Variants in DLEU7 observed in about 807,000 individuals in gnomAD.
DLEU7 encodes the protein deleted in lymphocytic leukemia 7, also known as leukemia-associated protein 7.
Under a neutral mutation model 16.0 loss-of-function variants are expected in DLEU7, and 17 were observed. The ratio of observed to expected loss-of-function variants is 1.06; its 90% confidence interval spans 0.73 to 1.59. The LOEUF is 1.59. Among genes scored for constraint, DLEU7 ranks in the 40% most tolerant of loss-of-function variants. The pLI is 0.00. For synonymous variants in DLEU7, 113 were observed against 139.8 expected (o/e 0.81, Z 1.35); for missense variants, 308 against 314.9 (o/e 0.98, Z 0.17).
At chr13:50,717,810 G>A (rs1409146194) in intron 1 of DLEU7, among the ~76,000 whole-genome samples, 1 of 152,124 alleles carries the variant, frequency 6.6e-6, no homozygotes, top group East Asian at 1.9e-4. Context: ...TAATGTAGTT[G>A]CATCAATTCT....
intron 1 of DLEU7, among the ~76,000 whole-genome samples, chr13:50,805,873 A>G (rs1480996135): frequency 6.6e-6 from 1 of 152,184 alleles, no homozygotes; most frequent in Non-Finnish European, 1.5e-5. Context: ...AGATATGCCC[A>G]TTTGTTTATT....
intron 1 of DLEU7, among the ~76,000 whole-genome samples, chr13:50,772,361 C>T (rs538942159): frequency 2.4e-4 from 36 of 152,268 alleles, no homozygotes; most frequent in African/African-American, 7.9e-4. Flanking sequence ...TTCCTAGCCT[C>T]GATGGTCTTC....
intron 1 of DLEU7, among the ~76,000 whole-genome samples, chr13:50,835,056 T>TGGGGGGGGGGGGGGGGGGG (rs1877408956): frequency 1.3e-5 from 1 of 76,256 alleles, no homozygotes; most frequent in African/African-American, 5.4e-5. Context: ...GGTGGGGGGC[T>TGGGGGGGGGGGGGGGGGGG]AGGGGAGGGA....
chr13:50,769,306 T>C (rs1358118413), intron 1 of DLEU7, among the ~76,000 whole-genome samples: 10 of 152,210 alleles, frequency 6.6e-5, no homozygotes, highest in Non-Finnish European at 1.5e-5. Context: ...ATCCTATTTG[T>C]CTATTTTAGC....
chr13:50,823,526 A>G lies in DLEU7; in HGVS notation c.460-6T>C. Reference sequence around the variant, plus strand: ...TTTCTAAACTCAACACTATCCTGAAATGAACAACAAACACAAACAAGAAAT... The same window carrying G: ...TTTCTAAACTCAACACTATCCTGAAGTGAACAACAAACACAAACAAGAAAT... On this transcript the variant is annotated splice_polypyrimidine_tract_variant and splice_region_variant and intron_variant, in intron 1 of 1. Transcript: ENST00000504404. 1.3e-6 allele frequency: 2 copies of G among 1,535,374 alleles called. No homozygotes were observed. The highest frequency in any genetic ancestry group is 1.7e-6 in the Non-Finnish European group (2 of 1,146,278).
chr13:50,769,966 C>T (rs1053021269), intron 1 of DLEU7, among the ~76,000 whole-genome samples: 6 of 152,146 alleles, frequency 3.9e-5, no homozygotes, highest in African/African-American at 1.4e-4. Context: ...TTTCGTTGAG[C>T]AGTGGTTTGT....
rs1566264194 is a variant in DLEU7, at chr13:50,823,385, A to T, written c.595T>A (p.Phe199Ile). 1.3e-6 allele frequency: 2 copies of T among 1,535,912 alleles called. No homozygotes were observed. The highest frequency in any genetic ancestry group is 1.7e-6 in the Non-Finnish European group (2 of 1,146,708). The change falls in exon 2 of 2, where the codon TTT (phenylalanine) becomes ATT (isoleucine). Residue 199 changes from phenylalanine (F) to isoleucine (I), a missense_variant. Transcript: ENST00000504404. ...GCTACCATGTGGGCATCTGAAGGAA[A>T]ATTAGCAAGTGACTGAATCAGCTTC... ...VKKLIQSLANFPSDAHMVACA... is the reference protein window; with the variant it reads ...VKKLIQSLANIPSDAHMVACA...
At chr13:50,735,823 C>T (rs114477958) in intron 1 of DLEU7, among the ~76,000 whole-genome samples, 1,546 of 152,174 alleles carry the variant, frequency 0.01, 19 homozygotes, top group African/African-American at 0.033. Context: ...TCACATCAGT[C>T]GGCATGATTA....
intron 1 of DLEU7, among the ~76,000 whole-genome samples, chr13:50,791,553 G>A (rs541406397): frequency 6.6e-6 from 1 of 152,130 alleles, no homozygotes; most frequent in South Asian, 2.1e-4. Context: ...CCCTTACCTA[G>A]GACATCACTC....
chr13:50,781,922 C>T (rs908375858), intron 1 of DLEU7, among the ~76,000 whole-genome samples: 7 of 152,312 alleles, frequency 4.6e-5, no homozygotes, highest in Non-Finnish European at 8.8e-5. Context: ...GAGCCCACTA[C>T]ACTTTTAGGC....
intron 1 of DLEU7, among the ~76,000 whole-genome samples, chr13:50,756,494 G>A (rs563089240): frequency 6.6e-6 from 1 of 152,250 alleles, no homozygotes; most frequent in South Asian, 2.1e-4. Context: ...TCAGGGAAGT[G>A]GGGGAAAGCC....
In DLEU7 at chr13:50,823,471, T is replaced by C. The variant is rs1876979117; in HGVS notation, c.509A>G (p.Glu170Gly). The C allele has an allele frequency of 2.0e-6, 3 of 1,535,952 alleles. No homozygotes were observed. Among genetic ancestry groups the C allele is most frequent in the Non-Finnish European group, 2.6e-6 (3 of 1,146,750 alleles). ...NICSHLALQIEGQQFDRDLNA... is the reference protein window; with the variant it reads ...NICSHLALQIGGQQFDRDLNA... ...CAAGTCTCTGTCAAACTGCTGTCCT[T>C]CAATCTGTAGAGCCAAATGACTGCA... Residue 170 changes from glutamate to glycine, a missense_variant, in exon 2 of 2, where the codon GAA becomes GGA. Coordinates refer to ENST00000504404, the MANE Select transcript of DLEU7 (RefSeq NM_001306135.2).
In DLEU7 at chr13:50,712,881, A is replaced by G. The variant is rs41284834; in HGVS notation, c.*336T>C. ...ACTATAACATCCACTTTTCCAGGGG[A>G]TAATTTTCCTGAAGAGCAAACAGGG... On this transcript the variant is annotated 3_prime_UTR_variant, in exon 2 of 2. Coordinates refer to the DLEU7 transcript ENST00000400393. 9.7e-4 allele frequency: 277 copies of G among 285,900 alleles called. 1 individual carries two copies. Among genetic ancestry groups the G allele is most frequent in the Middle Eastern group, 7.9e-3 (8 of 1,018 alleles). The allele number at this position is 285,900 out of a possible 1,614,324, so 17.7% of individuals were successfully genotyped here. A position where few individuals can be genotyped will look rare whatever the true frequency, so the allele number is the denominator to read the frequency against.
intron 1 of DLEU7, among the ~76,000 whole-genome samples, chr13:50,837,617 T>C (rs1310509158): frequency 1.3e-5 from 2 of 152,216 alleles, no homozygotes; most frequent in Admixed American, 1.3e-4. Flanking sequence ...ACTGATTATA[T>C]AACCGTGAGC....
intron 1 of DLEU7, among the ~76,000 whole-genome samples, chr13:50,746,931 T>G (rs939467855): frequency 1.5e-4 from 22 of 149,704 alleles, no homozygotes; most frequent in African/African-American, 5.4e-4. Flanking sequence ...ATGTAATTAT[T>G]ATAAGCATCT....
intron 1 of DLEU7, among the ~76,000 whole-genome samples, chr13:50,759,003 A>G (rs554764129): frequency 1.3e-5 from 2 of 152,344 alleles, no homozygotes; most frequent in East Asian, 3.9e-4. Flanking sequence ...GTAATCCTCA[A>G]TGGAGAATGT....
chr13:50,767,312 CG>C (rs1453887413), intron 1 of DLEU7, among the ~76,000 whole-genome samples: 1 of 152,030 alleles, frequency 6.6e-6, no homozygotes. Context: ...AAAAATTAGC[CG>C]GGCGTGGTGG....
chr13:50,749,126 G>T (rs1026752460), intron 1 of DLEU7, among the ~76,000 whole-genome samples: 1 of 149,112 alleles, frequency 6.7e-6, no homozygotes, highest in Non-Finnish European at 1.5e-5. Context: ...ACATATCAGC[G>T]AGAGCATATG....
At chr13:50,833,344 G>T (rs1877340709) in intron 1 of DLEU7, among the ~76,000 whole-genome samples, 1 of 152,170 alleles carries the variant, frequency 6.6e-6, no homozygotes, top group African/African-American at 2.4e-5. Context: ...AGCAACTTCA[G>T]CAAAGTCTCA....
Sources: allele counts gnomAD v4.1 joint callset (sites outside exome capture counted in the v4.1 genomes callset), GRCh38; gene constraint gnomAD v4.1.1; transcripts MANE v1.5; gene names NCBI Gene and HGNC (gene_info 2026-07-23, HGNC 2026-07-21).